The following GON4L variants were observed in gnomAD, a reference collection of about 807,000 sequenced individuals.
GON4L encodes the protein gon-4 like.
A neutral mutation model predicts 211.8 loss-of-function variants in GON4L; 87 were observed. The ratio of observed to expected loss-of-function variants is 0.41; its 90% CI spans 0.35 to 0.49. GON4L has a LOEUF of 0.49. Ranked by LOEUF, GON4L falls within the 20% of genes least tolerant of loss-of-function variation. GON4L has a pLI of 0.15. For missense variants in GON4L, 2,155 were observed against 2,659.5 expected, an observed-to-expected ratio of 0.81 and a Z score of 4.17; for synonymous variants, 875 against 962.6, an observed-to-expected ratio of 0.91 and a Z score of 1.68.
At chr1:155,777,420 A>T (rs1663929911) in intron 15 of GON4L, among the ~76,000 whole-genome samples, 1 of 152,116 alleles carries the variant, frequency 6.6e-6, no homozygotes, top group Admixed American at 6.6e-5. Context: ...CTCTACTAAA[A>T]ATACAAAAAT....
intron 2 of GON4L, among the ~76,000 whole-genome samples, chr1:155,849,317 G>C (rs1671549765): frequency 6.6e-6 from 1 of 152,048 alleles, no homozygotes; most frequent in Non-Finnish European, 1.5e-5. Flanking sequence ...GGCCGAGGCA[G>C]GCAGATCACG....
chr1:155,778,732 T>C (rs1664090588), intron 14 of GON4L, among the ~76,000 whole-genome samples: 1 of 152,140 alleles, frequency 6.6e-6, no homozygotes, highest in African/African-American at 2.4e-5. Context: ...CAGGCCCCAG[T>C]GTGTGTTGTT....
chr1:155,817,205 G>T (rs1274094074), intron 6 of GON4L, among the ~76,000 whole-genome samples: 1 of 152,018 alleles, frequency 6.6e-6, no homozygotes, highest in Non-Finnish European at 1.5e-5. Flanking sequence ...GGTTTCCCAG[G>T]CTGGTCTCAA....
At chr1:155,756,897 C>T in intron 27 of GON4L, 61 bp downstream of exon 27, 1 of 1,319,254 alleles carries the variant, frequency 7.6e-7, no homozygotes, top group Non-Finnish European at 1.1e-6. Context: ...CCACTGCACT[C>T]TAGTTTGGGT....
At position 155,833,997 on chromosome 1, in the gene GON4L, A is replaced by T. The variant is rs190376478; in HGVS notation, c.506-6969T>A. ...GCACTACCACACTTGGCTAATTTTT[A>T]AAATTTTCTGTAGAGATGGAACCTA... On this transcript the variant is annotated intron_variant, in intron 2 of 31. Transcript: ENST00000368331. Among the ~76,000 whole-genome samples, 70 of 151,978 alleles carry T rather than the reference A, an allele frequency of 4.6e-4. 1 individual carries two copies. Among genetic ancestry groups the T allele is most frequent in the Admixed American group, 3.9e-3 (59 of 15,258 alleles).
chr1:155,750,624 T>A lies in GON4L; in HGVS notation c.6686A>T (p.Asp2229Val), dbSNP rs757098629. ...TSTSNADQLS[D>V]HGDLLSEEEL... ...CTCTTCAGACAGAAGGTCCCCATGG[T>A]CAGACAGCTGGTCTGCATTGCTGGT... The change falls in exon 32 of 32, where the codon GAC (aspartate) becomes GTC (valine). Residue 2229 changes from aspartate (D) to valine (V), a missense_variant. This residue lies in a region of GON4L where 186 missense variants were observed against 308.1 expected (regional missense o/e 0.60). Transcript: ENST00000368331. The A allele has an allele frequency of 6.3e-7, 1 of 1,586,398 alleles. No homozygotes were observed. Among genetic ancestry groups the A allele is most frequent in the South Asian group, 1.1e-5 (1 of 89,088 alleles).
At chr1:155,777,952 ACAGT>A (rs1664002513) in intron 14 of GON4L, 132 bp from the exon 15 acceptor site, 1 of 710,456 alleles carries the variant, frequency 1.4e-6, no homozygotes, top group Non-Finnish European at 2.6e-6. Flanking sequence ...ACTTTAGCCA[ACAGT>A]CAAACTCTCA....
intron 14 of GON4L, among the ~76,000 whole-genome samples, chr1:155,778,897 A>G (rs1473030789): frequency 1.3e-5 from 2 of 152,120 alleles, no homozygotes; most frequent in South Asian, 2.1e-4. Flanking sequence ...TTATGGCTGT[A>G]TAGTATTCCC....
chr1:155,853,434 A>G lies in GON4L; in HGVS notation c.347T>C (p.Ile116Thr). Reference protein sequence around the residue: ...PSLESFHPLNIHIGKGKLHAT... With the variant: ...PSLESFHPLNTHIGKGKLHAT... The stretch of plus-strand genomic sequence containing the variant: ...GTGGAGTTTTCCTTTACCAATGTGT[A>G]TATTAAGGGGGTGAAAAGACTCCAA... The change falls in exon 2 of 32, where the codon ATA becomes ACA. Residue 116 changes from isoleucine (I) to threonine (T), a missense_variant. Ile to Thr is a moderately conservative substitution (Grantham distance 89, BLOSUM62 -1). This residue lies in a region of GON4L where 313 missense variants were observed against 293.2 expected (regional missense o/e 1.07). Transcript: ENST00000368331. 4 of 1,614,038 alleles carry G rather than the reference A, an allele frequency of 2.5e-6. No individual in the cohort carries two copies. The highest frequency in any genetic ancestry group is 3.4e-6 in the Non-Finnish European group (4 of 1,180,012).
intron 11 of GON4L, among the ~76,000 whole-genome samples, chr1:155,804,321 A>C (rs1223970984): frequency 6.6e-6 from 1 of 152,082 alleles, no homozygotes; most frequent in Non-Finnish European, 1.5e-5. Flanking sequence ...GGCTACAGTG[A>C]GCTATGATCA....
chr1:155,753,886 T>G, intron 28 of GON4L: 2 of 220,396 alleles, frequency 9.1e-6, no homozygotes, highest in Non-Finnish European at 9.1e-6. Context: ...TTTTTTTTTT[T>G]TTAAACACGG....
intron 24 of GON4L, among the ~76,000 whole-genome samples, chr1:155,759,871 T>C (rs1013445977): frequency 6.0e-5 from 9 of 150,706 alleles, no homozygotes; most frequent in Non-Finnish European, 1.2e-4. Flanking sequence ...TTTCCTTTCC[T>C]GCTTTATTTT....
intron 3 of GON4L, among the ~76,000 whole-genome samples, chr1:155,826,288 G>C (rs375942337): frequency 1.3e-5 from 2 of 152,130 alleles, no homozygotes; most frequent in African/African-American, 4.8e-5. Context: ...CAACTGGCTA[G>C]GCGCAGTGGC....
chr1:155,772,031 T>A (rs1430362508), intron 18 of GON4L, among the ~76,000 whole-genome samples: 2 of 151,918 alleles, frequency 1.3e-5, no homozygotes, highest in African/African-American at 4.8e-5. Context: ...GGTGTAGTGG[T>A]AGGTGCCTGT....
At chr1:155,857,429 G>C (rs1672386280), upstream of GON4L, 1 of 152,314 alleles carries the variant, frequency 6.6e-6, no homozygotes, top group South Asian at 2.1e-4. Flanking sequence ...CAGTGGTTTA[G>C]ATTAACAGCT....
chr1:155,798,687 G>T (rs1164033799), intron 11 of GON4L, among the ~76,000 whole-genome samples: 1 of 150,380 alleles, frequency 6.6e-6, no homozygotes, highest in African/African-American at 2.4e-5. Flanking sequence ...CCAAAGCGCA[G>T]GGATTAGAAG....
chr1:155,814,789 T>TA (rs2102196273), intron 8 of GON4L, among the ~76,000 whole-genome samples: 1 of 151,960 alleles, frequency 6.6e-6, no homozygotes, highest in African/African-American at 2.4e-5. Flanking sequence ...CTCAACTAGT[T>TA]ACAGTAACAG....
At chr1:155,854,217 TC>T in intron 1 of GON4L, among the ~76,000 whole-genome samples, 1 of 152,318 alleles carries the variant, frequency 6.6e-6, no homozygotes, top group South Asian at 2.1e-4. Context: ...AGTGGCGCAA[TC>T]TCGGTTCACT....
chr1:155,832,907 A>G (rs532813359), intron 2 of GON4L: 1 of 150,512 alleles, frequency 6.6e-6, no homozygotes, highest in Non-Finnish European at 1.5e-5. Flanking sequence ...ATATATGTGA[A>G]TTGTCAATCT....
Sources: allele counts gnomAD v4.1 joint callset (sites outside exome capture counted in the v4.1 genomes callset), GRCh38; gene constraint gnomAD v4.1.1; regional missense constraint gnomAD v4.1.1; transcripts MANE v1.5; gene names NCBI Gene and HGNC (gene_info 2026-07-23, HGNC 2026-07-21).